The following ANXA8 variants were observed in gnomAD, a reference collection of about 807,000 sequenced individuals.
ANXA8 encodes the protein annexin A8, also known as VAC-beta.
Under a neutral mutation model 26.8 loss-of-function variants are expected in ANXA8, and 9 were observed. That is an observed-to-expected ratio of 0.34 (90% CI 0.20 to 0.59). The LOEUF is 0.59. Ranked by LOEUF, ANXA8 falls within the 20% of genes least tolerant of loss-of-function variation. ANXA8 has a pLI of 0.84. For synonymous variants in ANXA8, 39 were observed against 94.8 expected (o/e 0.41, Z 3.42); for missense variants, 83 against 238.5 (o/e 0.35, Z 4.29).
the ANXA8 span, among the ~76,000 whole-genome samples, chr10:47,681,372 T>A: frequency 2.7e-5 from 4 of 150,788 alleles, no homozygotes; most frequent in African/African-American, 4.9e-5. Flanking sequence ...TTTTTTTTTT[T>A]AATTTTTCTT....
chr10:47,496,172 C>T, the ANXA8 span: 8 of 151,920 alleles, frequency 5.3e-5, no homozygotes, highest in East Asian at 1.9e-4. Flanking sequence ...GCCCCGAATG[C>T]TCTCCACTAG....
At chr10:47,668,702 G>T in the ANXA8 span, among the ~76,000 whole-genome samples, 8 of 151,052 alleles carry the variant, frequency 5.3e-5, no homozygotes, top group East Asian at 1.2e-3. Flanking sequence ...TTTCCTCCAA[G>T]TTCCTTTTCT....
At chr10:47,954,637 G>A in the ANXA8 span, among the ~76,000 whole-genome samples, 1 of 151,196 alleles carries the variant, frequency 6.6e-6, no homozygotes, top group East Asian at 2.0e-4. Flanking sequence ...CGCATTGCAT[G>A]CCTGTATCAA....
At chr10:47,718,133 T>A in the ANXA8 span, among the ~76,000 whole-genome samples, 1 of 152,250 alleles carries the variant, frequency 6.6e-6, no homozygotes, top group Non-Finnish European at 1.5e-5. Context: ...AACCTGCACA[T>A]CTACCCTCTG....
the ANXA8 span, among the ~76,000 whole-genome samples, chr10:47,658,479 T>C: frequency 2.0e-5 from 3 of 149,318 alleles, no homozygotes; most frequent in East Asian, 3.9e-4. Flanking sequence ...AATCAACTTT[T>C]GGAGTTTATG....
the ANXA8 span, among the ~76,000 whole-genome samples, chr10:47,676,616 C>A: frequency 6.6e-6 from 1 of 151,904 alleles, no homozygotes; most frequent in Non-Finnish European, 1.5e-5. Flanking sequence ...AGTAGTGAGA[C>A]CCCATCTCTA....
chr10:47,947,693 GT>G, the ANXA8 span, among the ~76,000 whole-genome samples: 1 of 150,676 alleles, frequency 6.6e-6, no homozygotes, highest in Non-Finnish European at 1.5e-5. Context: ...ATGATTTTAA[GT>G]TTTCTGAGGC....
At chr10:47,987,014 G>C in the ANXA8 span, 1 of 545,204 alleles carries the variant, frequency 1.8e-6, no homozygotes, top group East Asian at 3.1e-5. Context: ...ACACAGCCCG[G>C]GGAAAGGGGC....
chr10:47,502,433 A>C, the ANXA8 span: 1 of 1,611,380 alleles, frequency 6.2e-7, no homozygotes, highest in Non-Finnish European at 8.5e-7. Flanking sequence ...GAACGGATCC[A>C]CCATTCCTTC....
the ANXA8 span, among the ~76,000 whole-genome samples, chr10:47,938,738 C>T: frequency 6.7e-6 from 1 of 148,866 alleles, no homozygotes; most frequent in Admixed American, 6.6e-5. Flanking sequence ...CTGAACTGGC[C>T]CCACACTCAG....
the ANXA8 span, among the ~76,000 whole-genome samples, chr10:47,901,027 T>G: frequency 2.1e-4 from 28 of 133,944 alleles, no homozygotes; most frequent in African/African-American, 8.4e-4. Flanking sequence ...GAGAAACACT[T>G]CAGCATCAGA....
the ANXA8 span, among the ~76,000 whole-genome samples, chr10:47,612,780 T>A: frequency 1.4e-5 from 1 of 73,950 alleles, no homozygotes; most frequent in Non-Finnish European, 3.4e-5. Flanking sequence ...TCAGCCCTCT[T>A]GCCATACGAT....
the ANXA8 span, among the ~76,000 whole-genome samples, chr10:47,506,552 A>G: frequency 7.1e-6 from 1 of 140,672 alleles, no homozygotes; most frequent in Non-Finnish European, 1.5e-5. Flanking sequence ...CTGGTCTCAA[A>G]CTCCTGACCT....
the ANXA8 span, chr10:47,581,175 TG>T: frequency 2.9e-6 from 1 of 341,358 alleles, no homozygotes; most frequent in Non-Finnish European, 5.7e-6. Context: ...TTGGCTTTCC[TG>T]GGGTGATGGG....
chr10:47,901,099 T>A, the ANXA8 span, among the ~76,000 whole-genome samples: 1 of 139,862 alleles, frequency 7.1e-6, no homozygotes, highest in Admixed American at 7.1e-5. Flanking sequence ...ACAAAAAAGG[T>A]TGAAGGAGAG....
At chr10:47,979,811 G>A in the ANXA8 span, among the ~76,000 whole-genome samples, 6,779 of 142,698 alleles carry the variant, frequency 0.048, no homozygotes, top group African/African-American at 0.19. Flanking sequence ...CCTACAACTT[G>A]CAGGAACTGA....
the ANXA8 span, among the ~76,000 whole-genome samples, chr10:47,732,785 G>A: frequency 2.8e-5 from 4 of 144,840 alleles, no homozygotes; most frequent in Admixed American, 2.1e-4. Context: ...GACAACATTG[G>A]GTGCATGATC....
intron 3 of ANXA8, chr10:47,477,870 CT>C: frequency 2.4e-5 from 1 of 41,058 alleles, no homozygotes; most frequent in Non-Finnish European, 4.8e-5. Context: ...TTGAGCTGAT[CT>C]TCCTTCGTTA....
chr10:47,503,432 C>T, the ANXA8 span: 1 of 1,609,574 alleles, frequency 6.2e-7, no homozygotes, highest in Non-Finnish European at 8.5e-7. Context: ...GTGGGAGGAA[C>T]ACTGAACTGA....
Sources: allele counts gnomAD v4.1 joint callset (sites outside exome capture counted in the v4.1 genomes callset), GRCh38; gene constraint gnomAD v4.1.1; transcripts MANE v1.5; gene names NCBI Gene and HGNC (gene_info 2026-07-23, HGNC 2026-07-21).